Variants in DLGAP2 observed in about 807,000 individuals in gnomAD.
DLGAP2 encodes DLG associated protein 2.
In DLGAP2, 26 loss-of-function variants were observed where a neutral mutation model predicts 100.3. The ratio of observed to expected loss-of-function variants is 0.26; its 90% CI spans 0.19 to 0.36. The LOEUF (loss-of-function observed/expected upper bound fraction) is 0.36, where lower values mean the gene tolerates loss of function less well. Among genes scored for constraint, DLGAP2 ranks in the 10% least tolerant of loss-of-function variants. DLGAP2 has a pLI of 1.00. For synonymous variants in DLGAP2, 886 were observed against 630.1 expected (o/e 1.41, Z -6.08); for missense variants, 1,858 against 1,453.2 (o/e 1.28, Z -4.53).
chr8:982,033 A>T (rs756343319), intron 2 of DLGAP2, among the ~76,000 whole-genome samples: 6 of 151,978 alleles, frequency 3.9e-5, no homozygotes, highest in Non-Finnish European at 8.8e-5. Context: ...CCACCTTTAA[A>T]CTTGCTTTGC....
chr8:1,385,780 A>C (rs994304173), intron 3 of DLGAP2, among the ~76,000 whole-genome samples: 1 of 145,540 alleles, frequency 6.9e-6, no homozygotes. Context: ...AACTTGGTGC[A>C]CAGTTACCCG....
intron 3 of DLGAP2, among the ~76,000 whole-genome samples, chr8:1,460,561 C>T (rs1162969175): frequency 2.6e-5 from 4 of 152,276 alleles, no homozygotes; most frequent in East Asian, 3.9e-4. Flanking sequence ...GGTGACTCGA[C>T]GGTCTCTTCA....
At chr8:1,301,169 C>T (rs1246317711) in intron 3 of DLGAP2, 1 of 152,386 alleles carries the variant, frequency 6.6e-6, no homozygotes, top group Non-Finnish European at 1.5e-5. Context: ...CCTTCTGGCT[C>T]CGCCAGTGCT....
intron 2 of DLGAP2, among the ~76,000 whole-genome samples, chr8:1,100,839 T>A (rs994920592): frequency 2.0e-5 from 3 of 152,226 alleles, no homozygotes; most frequent in Non-Finnish European, 2.9e-5. Context: ...GGATTCAATT[T>A]CATACAGATG....
chr8:1,581,268 C>T (rs1803240131), intron 6 of DLGAP2, among the ~76,000 whole-genome samples: 1 of 147,064 alleles, frequency 6.8e-6, no homozygotes, highest in Non-Finnish European at 1.5e-5. Context: ...GTCAAACTAC[C>T]AGAAGAGAAG....
chr8:1,296,875 A>C (rs1159990617), intron 3 of DLGAP2, among the ~76,000 whole-genome samples: 1 of 152,214 alleles, frequency 6.6e-6, no homozygotes, highest in Non-Finnish European at 1.5e-5. Context: ...TGCGGGGCTC[A>C]GAAAGGCCGG....
intron 3 of DLGAP2, among the ~76,000 whole-genome samples, chr8:1,292,887 C>T (rs1290790541): frequency 5.3e-5 from 8 of 152,138 alleles, no homozygotes; most frequent in African/African-American, 1.4e-4. Context: ...GTGCCCACCC[C>T]GTGCGTGGGT....
chr8:1,102,353 A>G (rs1025535630), intron 2 of DLGAP2, among the ~76,000 whole-genome samples: 7 of 147,684 alleles, frequency 4.7e-5, no homozygotes, highest in East Asian at 1.9e-4. Flanking sequence ...TATATATTAT[A>G]TATCTATTAT....
At chr8:856,185 CTTT>C (rs71223338) in intron 1 of DLGAP2, among the ~76,000 whole-genome samples, 2 of 130,556 alleles carry the variant, frequency 1.5e-5, no homozygotes, top group African/African-American at 5.7e-5. Flanking sequence ...TCTTCTTCTT[CTTT>C]TTTTTTTTTT....
At chr8:1,582,714 C>T (rs908963144) in intron 6 of DLGAP2, among the ~76,000 whole-genome samples, 11 of 152,112 alleles carry the variant, frequency 7.2e-5, no homozygotes, top group Non-Finnish European at 1.0e-4. Context: ...CTCAGCCTCC[C>T]GAGCAGCTGG....
intron 1 of DLGAP2, among the ~76,000 whole-genome samples, chr8:902,599 G>A (rs1184216112): frequency 1.4e-5 from 1 of 70,480 alleles, no homozygotes; most frequent in Non-Finnish European, 2.6e-5. Flanking sequence ...AGGGCTGGTG[G>A]CACGAGGAGA....
intron 1 of DLGAP2, among the ~76,000 whole-genome samples, chr8:899,283 C>T (rs980157784): frequency 3.9e-5 from 6 of 152,246 alleles, no homozygotes; most frequent in African/African-American, 1.4e-4. Flanking sequence ...AGCCTGTGAG[C>T]CATTGGCCAA....
At chr8:1,430,007 C>CATAT (rs60682299) in intron 3 of DLGAP2, among the ~76,000 whole-genome samples, 3 of 54,374 alleles carry the variant, frequency 5.5e-5, no homozygotes, top group Non-Finnish European at 1.1e-4. Context: ...CATATATATA[C>CATAT]ATATATATAT....
intron 2 of DLGAP2, among the ~76,000 whole-genome samples, chr8:1,208,799 A>G (rs988037308): frequency 4.6e-5 from 7 of 152,096 alleles, no homozygotes; most frequent in African/African-American, 1.4e-4. Context: ...TAGCACTCCT[A>G]TAGAACAATA....
chr8:836,310 C>T (rs901739925), intron 1 of DLGAP2, among the ~76,000 whole-genome samples: 47 of 152,204 alleles, frequency 3.1e-4, no homozygotes, highest in African/African-American at 1.1e-3. Flanking sequence ...GCTGTGCAGC[C>T]ATCGGGTGAG....
intron 2 of DLGAP2, among the ~76,000 whole-genome samples, chr8:1,187,571 C>T (rs191323332): frequency 1.6e-3 from 238 of 144,270 alleles, no homozygotes; most frequent in Middle Eastern, 4.8e-3. Context: ...CACGGAATCT[C>T]GCACGCCCGG....
chr8:743,461 G>A (rs1474834060), intron 1 of DLGAP2, among the ~76,000 whole-genome samples: 1 of 152,122 alleles, frequency 6.6e-6, no homozygotes, highest in African/African-American at 2.4e-5. Context: ...AAATACAGAA[G>A]TATTTTTTAA....
chr8:1,650,588 C>T (rs1798139650), intron 8 of DLGAP2, among the ~76,000 whole-genome samples: 1 of 152,232 alleles, frequency 6.6e-6, no homozygotes, highest in East Asian at 1.9e-4. Context: ...TTCGGCTATT[C>T]CAGAAAAAGA....
At chr8:1,257,431 C>G (rs1379650154) in intron 2 of DLGAP2, among the ~76,000 whole-genome samples, 8 of 152,046 alleles carry the variant, frequency 5.3e-5, no homozygotes, top group Admixed American at 5.2e-4. Flanking sequence ...CTGCCTGCCC[C>G]TCCACCCCCC....
Sources: gnomAD v4.1 joint callset for allele counts (sites outside exome capture counted in the v4.1 genomes callset) on GRCh38, gnomAD v4.1.1 for gene constraint, MANE v1.5 for transcripts, NCBI Gene and HGNC (gene_info 2026-07-23, HGNC 2026-07-21) for gene names.